Variants in SPOPL observed in about 807,000 individuals in gnomAD.
SPOPL encodes speckle-type POZ protein-like.
A neutral mutation model predicts 53.8 loss-of-function variants in SPOPL; 23 were observed. The ratio of observed to expected loss-of-function variants is 0.43; its 90% CI spans 0.31 to 0.61. The LOEUF (loss-of-function observed/expected upper bound fraction) is 0.61, where lower values mean the gene tolerates loss of function less well. Ranked by LOEUF, SPOPL falls within the 20% of genes least tolerant of loss-of-function variation. The pLI is 0.12. For missense variants in SPOPL, 442 were observed against 466.9 expected, an observed-to-expected ratio of 0.95 and a Z score of 0.49; for synonymous variants, 164 against 149.7, an observed-to-expected ratio of 1.10 and a Z score of -0.70.
At chr2:138,508,402 A>G (rs1284344351) in intron 1 of SPOPL, among the ~76,000 whole-genome samples, 3 of 152,008 alleles carry the variant, frequency 2.0e-5, no homozygotes, top group African/African-American at 7.3e-5. Context: ...ACGTGATCTC[A>G]GCTCATTGCA....
At chr2:138,520,067 G>A (rs1034263888) in intron 1 of SPOPL, among the ~76,000 whole-genome samples, 16 of 152,164 alleles carry the variant, frequency 1.1e-4, no homozygotes, top group African/African-American at 3.4e-4. Flanking sequence ...TCTGTCACTA[G>A]TTGAAATAAC....
At chr2:138,542,332 G>A (rs1685089896) in intron 1 of SPOPL, among the ~76,000 whole-genome samples, 2 of 152,098 alleles carry the variant, frequency 1.3e-5, no homozygotes, top group African/African-American at 4.8e-5. Flanking sequence ...GTTGACAGTG[G>A]GGTGTTAAAG....
chr2:138,541,478 G>C (rs1457674857), intron 1 of SPOPL, among the ~76,000 whole-genome samples: 2,888 of 152,258 alleles, frequency 0.019, 87 homozygotes, highest in African/African-American at 0.065. Flanking sequence ...TTGGGAGGGT[G>C]TATGTGTTGA....
rs1262904623 is a variant in SPOPL at position 138,551,270 on chromosome 2, A to C, written c.352+216A>C. 2.6e-5 allele frequency among the ~76,000 whole-genome samples: 4 copies of C among 152,082 alleles called. No individual in the cohort carries two copies. The East Asian group carries it at 7.7e-4, about 29-fold the overall frequency. On this transcript the variant is annotated intron_variant, in intron 4 of 10. Coordinates refer to ENST00000280098, the MANE Select transcript of SPOPL (RefSeq NM_001001664.3). ...ACATGTAAAAATGATTAATAATATTACTTCTTCATGTCCTAAAATGACATC... is the reference window on the plus strand; with the variant it reads ...ACATGTAAAAATGATTAATAATATTCCTTCTTCATGTCCTAAAATGACATC...
At chr2:138,502,538 A>C (rs374831191) in intron 1 of SPOPL, among the ~76,000 whole-genome samples, 1 of 152,038 alleles carries the variant, frequency 6.6e-6, no homozygotes, top group Admixed American at 6.6e-5. Context: ...CGCAGCGTCC[A>C]CTTTCATACC....
At chr2:138,563,808 G>C (rs1001421717) in intron 8 of SPOPL, among the ~76,000 whole-genome samples, 2 of 152,166 alleles carry the variant, frequency 1.3e-5, no homozygotes, top group African/African-American at 4.8e-5. Context: ...TGCCCATACA[G>C]ACACTTGTAT....
chr2:138,560,818 T>G lies in SPOPL; in HGVS notation c.728T>G (p.Ile243Arg). The change falls in exon 8 of 11, where the codon ATA becomes AGA. Residue 243 changes from isoleucine (I) to arginine (R), a missense_variant. Ile to Arg is a moderately conservative substitution (Grantham distance 97). Transcript: ENST00000280098. ...TTTCGATATCAGAATCGAGTGGAAA[T>G]AAATGATTTAGACCCTGAAGTTTTT... is the stretch of plus-strand genomic sequence containing the variant. ...MEESKKNRVE[I>R]NDLDPEVFKE... is the part of the protein sequence containing the mutation. 1 of 1,594,132 alleles carries G rather than the reference T, an allele frequency of 6.3e-7. No individual in the cohort carries two copies. The highest frequency in any genetic ancestry group is 8.5e-7 in the Non-Finnish European group (1 of 1,174,454).
intron 5 of SPOPL, among the ~76,000 whole-genome samples, chr2:138,558,576 G>A (rs1573906314): frequency 6.6e-6 from 1 of 151,868 alleles, no homozygotes; most frequent in African/African-American, 2.4e-5. Context: ...TTTTTATACG[G>A]TAAAAAGTCA....
chr2:138,567,883 T>C (rs555990740), intron 10 of SPOPL, among the ~76,000 whole-genome samples: 40 of 152,164 alleles, frequency 2.6e-4, no homozygotes, highest in Non-Finnish European at 4.7e-4. Context: ...ATTTGTTGCT[T>C]AAGCATTTAT....
At chr2:138,525,663 A>AAAAAAAAAAAAAAAAAAAAAC (rs1558865850) in intron 1 of SPOPL, among the ~76,000 whole-genome samples, 26 of 130,448 alleles carry the variant, frequency 2.0e-4, no homozygotes, top group Non-Finnish European at 3.3e-4. Context: ...GTAGAAAAAA[A>AAAAAAAAAAAAAAAAAAAAAC]AAAAAAAAAA....
intron 10 of SPOPL, among the ~76,000 whole-genome samples, chr2:138,567,754 CAGTG>C (rs1258902539): frequency 5.3e-5 from 8 of 151,938 alleles, no homozygotes; most frequent in South Asian, 2.1e-4. Context: ...TGATTGGTGA[CAGTG>C]GGGCTAGAGA....
At chr2:138,530,227 T>G (rs543742297) in intron 1 of SPOPL, among the ~76,000 whole-genome samples, 15 of 152,326 alleles carry the variant, frequency 9.8e-5, no homozygotes, top group African/African-American at 3.1e-4. Flanking sequence ...TGATGGCATT[T>G]AGGTTGATTC....
chr2:138,518,062 A>AG (rs1248990026), intron 1 of SPOPL, among the ~76,000 whole-genome samples: 4 of 150,950 alleles, frequency 2.6e-5, no homozygotes, highest in African/African-American at 7.3e-5. Flanking sequence ...AAAAAAAAAA[A>AG]AAAGAAAAGG....
intron 7 of SPOPL, among the ~76,000 whole-genome samples, chr2:138,559,788 T>C (rs1324098637): frequency 1.3e-5 from 2 of 152,222 alleles, no homozygotes; most frequent in Non-Finnish European, 2.9e-5. Flanking sequence ...CCCAGATGTT[T>C]CTCTTTTACT....
intron 8 of SPOPL, among the ~76,000 whole-genome samples, chr2:138,563,447 A>G (rs1485273868): frequency 2.0e-4 from 30 of 152,144 alleles, no homozygotes; most frequent in Admixed American, 2.0e-3. Context: ...GTGCCACTGC[A>G]CTCCAGCCTG....
At chr2:138,545,444 T>TC (rs2104887002) in intron 1 of SPOPL, among the ~76,000 whole-genome samples, 1 of 152,152 alleles carries the variant, frequency 6.6e-6, no homozygotes, top group East Asian at 1.9e-4. Context: ...GTTTTTGTTT[T>TC]TTTTTTTGAG....
At chr2:138,544,322 C>T (rs928574718) in intron 1 of SPOPL, among the ~76,000 whole-genome samples, 1 of 152,218 alleles carries the variant, frequency 6.6e-6, no homozygotes, top group Admixed American at 6.5e-5. Flanking sequence ...CTTAGCCCTG[C>T]CCCCACAGGT....
intron 1 of SPOPL, among the ~76,000 whole-genome samples, chr2:138,523,519 A>C (rs1684602592): frequency 6.6e-6 from 1 of 152,166 alleles, no homozygotes; most frequent in African/African-American, 2.4e-5. Flanking sequence ...GTCTCAACTC[A>C]AAAGTCCACA....
chr2:138,552,431 G>A, intron 4 of SPOPL, 123 bp from the exon 5 acceptor site: 1 of 1,153,310 alleles, frequency 8.7e-7, no homozygotes, highest in Admixed American at 3.1e-5. Context: ...ACAAATATCG[G>A]TAACTTTTAT....
Sources: gnomAD v4.1 joint callset for allele counts (sites outside exome capture counted in the v4.1 genomes callset) on GRCh38, gnomAD v4.1.1 for gene constraint, MANE v1.5 for transcripts, NCBI Gene and HGNC (gene_info 2026-07-23, HGNC 2026-07-21) for gene names.